NEGR1: variants seen among roughly 807,000 people sequenced by gnomAD.
NEGR1 encodes IgLON family member 4.
Under a neutral mutation model 40.9 loss-of-function variants are expected in NEGR1, and 10 were observed. The ratio of observed to expected loss-of-function variants is 0.24; its 90% CI spans 0.15 to 0.42. NEGR1 has a LOEUF of 0.42. Ranked by LOEUF, NEGR1 falls within the 10% of genes least tolerant of loss-of-function variation. The pLI is 1.00. For missense variants in NEGR1, 352 were observed against 438.9 expected, an observed-to-expected ratio of 0.80 and a Z score of 1.77; for synonymous variants, 185 against 166.8, an observed-to-expected ratio of 1.11 and a Z score of -0.84.
At chr1:72,063,538 T>C (rs1401625964) in intron 1 of NEGR1, among the ~76,000 whole-genome samples, 1 of 151,910 alleles carries the variant, frequency 6.6e-6, no homozygotes, top group Non-Finnish European at 1.5e-5. Flanking sequence ...GTACTGGAAA[T>C]AACAGTGACT....
rs569957037 is a variant in NEGR1 at position 71,674,105 on chromosome 1, C to T, written c.667+23903G>A. On this transcript the variant is annotated intron_variant, in intron 4 of 6. Coordinates refer to ENST00000357731, the MANE Select transcript of NEGR1 (RefSeq NM_173808.3). ...GTATTTATTTCTCAAAAGTCATATGCTGGGTAGCACCATTTATTTCTTCTA... is the reference window on the plus strand; with the variant it reads ...GTATTTATTTCTCAAAAGTCATATGTTGGGTAGCACCATTTATTTCTTCTA... Among the ~76,000 whole-genome samples, 6 of 152,188 alleles carry T rather than the reference C, an allele frequency of 3.9e-5. No homozygotes were observed. In the South Asian group the frequency reaches 1.2e-3, roughly 32 times the overall value.
chr1:71,922,051 C>T (rs749772377), intron 2 of NEGR1, among the ~76,000 whole-genome samples: 3 of 152,022 alleles, frequency 2.0e-5, no homozygotes, highest in Non-Finnish European at 4.4e-5. Context: ...AAGAAGAAGC[C>T]GCTAATACTT....
chr1:71,468,119 C>T (rs1646758498), intron 6 of NEGR1, among the ~76,000 whole-genome samples: 1 of 151,842 alleles, frequency 6.6e-6, no homozygotes, highest in African/African-American at 2.4e-5. Flanking sequence ...TACCGTTTGC[C>T]TTTTCCTTAA....
At chr1:71,416,901 C>T (rs1208837819) in intron 6 of NEGR1, among the ~76,000 whole-genome samples, 1 of 152,178 alleles carries the variant, frequency 6.6e-6, no homozygotes, top group Non-Finnish European at 1.5e-5. Context: ...GCCACCTGCT[C>T]ACAAAGTTAG....
At chr1:72,138,824 T>C (rs1279998824) in intron 1 of NEGR1, among the ~76,000 whole-genome samples, 7 of 152,002 alleles carry the variant, frequency 4.6e-5, no homozygotes, top group Admixed American at 1.3e-4. Context: ...AGCAAGCATA[T>C]GAAAAACTCT....
chr1:72,125,282 G>A (rs1239889513), intron 1 of NEGR1, among the ~76,000 whole-genome samples: 1 of 151,714 alleles, frequency 6.6e-6, no homozygotes, highest in Non-Finnish European at 1.5e-5. Flanking sequence ...AAGGCTACAT[G>A]GGCACATGTA....
chr1:72,247,948 T>C (rs950997430), intron 1 of NEGR1, among the ~76,000 whole-genome samples: 3 of 152,006 alleles, frequency 2.0e-5, no homozygotes, highest in African/African-American at 4.8e-5. Context: ...CTTACAATCA[T>C]GGTGGAAGGC....
intron 2 of NEGR1, among the ~76,000 whole-genome samples, chr1:71,928,482 A>ATG (rs1645820898): frequency 7.1e-6 from 1 of 140,698 alleles, no homozygotes; most frequent in East Asian, 2.0e-4. Context: ...ATACACATAT[A>ATG]TATGTATATA....
intron 1 of NEGR1, among the ~76,000 whole-genome samples, chr1:72,254,689 G>A (rs1463913526): frequency 2.9e-5 from 4 of 137,202 alleles, no homozygotes; most frequent in African/African-American, 8.4e-5. Flanking sequence ...GCAACACAGC[G>A]AGACTCTGTC....
chr1:72,219,029 C>G (rs1233237439), intron 1 of NEGR1, among the ~76,000 whole-genome samples: 1 of 152,028 alleles, frequency 6.6e-6, no homozygotes, highest in Non-Finnish European at 1.5e-5. Context: ...ACATGTCCTT[C>G]CTCATACAAA....
chr1:72,145,998 T>A (rs1650893268), intron 1 of NEGR1, among the ~76,000 whole-genome samples: 1 of 87,846 alleles, frequency 1.1e-5, no homozygotes, highest in Admixed American at 1.4e-4. Context: ...CAGAGTTTCC[T>A]CTGTTTTCAC....
intron 1 of NEGR1, among the ~76,000 whole-genome samples, chr1:72,006,426 C>G (rs1173622279): frequency 6.6e-6 from 1 of 152,106 alleles, no homozygotes; most frequent in African/African-American, 2.4e-5. Flanking sequence ...AATATATGTT[C>G]TATCAGAAGA....
chr1:72,242,337 T>G (rs1325869569), intron 1 of NEGR1, among the ~76,000 whole-genome samples: 2 of 151,610 alleles, frequency 1.3e-5, no homozygotes, highest in African/African-American at 4.8e-5. Context: ...AATGTAATTT[T>G]TGCATGTATA....
At chr1:71,675,622 T>C (rs1362622747) in intron 4 of NEGR1, among the ~76,000 whole-genome samples, 1 of 151,936 alleles carries the variant, frequency 6.6e-6, no homozygotes, top group East Asian at 1.9e-4. Context: ...TCTGGGATTA[T>C]GAGTTTGAAC....
intron 6 of NEGR1, among the ~76,000 whole-genome samples, chr1:71,427,598 A>G (rs1163002451): frequency 6.6e-6 from 1 of 152,238 alleles, no homozygotes; most frequent in East Asian, 1.9e-4. Context: ...AGATAAATGT[A>G]TAGTATTTCC....
intron 6 of NEGR1, among the ~76,000 whole-genome samples, chr1:71,410,837 G>C (rs1646315117): frequency 6.6e-6 from 1 of 152,080 alleles, no homozygotes. Flanking sequence ...TTCTTAGCAG[G>C]TCAAATTCCA....
chr1:72,073,404 G>T (rs2100514064), intron 1 of NEGR1, among the ~76,000 whole-genome samples: 1 of 152,096 alleles, frequency 6.6e-6, no homozygotes, highest in Admixed American at 6.6e-5. Flanking sequence ...TGATTTGCTT[G>T]TGCTCTGTGA....
intron 1 of NEGR1, among the ~76,000 whole-genome samples, chr1:72,128,531 A>C (rs1650117935): frequency 6.6e-6 from 1 of 152,198 alleles, no homozygotes; most frequent in African/African-American, 2.4e-5. Flanking sequence ...AGAGTTATGA[A>C]TAAATATGGT....
chr1:71,945,774 A>C (rs570000337), intron 1 of NEGR1, among the ~76,000 whole-genome samples: 1 of 152,332 alleles, frequency 6.6e-6, no homozygotes, highest in African/African-American at 2.4e-5. Context: ...ACTTCTATAA[A>C]GAATTTAATA....
Sources: gnomAD v4.1 joint callset for allele counts (sites outside exome capture counted in the v4.1 genomes callset) on GRCh38, gnomAD v4.1.1 for gene constraint, MANE v1.5 for transcripts, NCBI Gene and HGNC (gene_info 2026-07-23, HGNC 2026-07-21) for gene names.